LOC400499: variants seen among roughly 807,000 people sequenced by gnomAD.
At chr16:11,474,554 G>A in the LOC400499 span, among the ~76,000 whole-genome samples, 1 of 152,152 alleles carries the variant, frequency 6.6e-6, no homozygotes, top group Non-Finnish European at 1.5e-5. Context: ...ATCATTGACT[G>A]AAGTGGTTGG....
At chr16:11,376,768 T>C in the LOC400499 span, among the ~76,000 whole-genome samples, 1 of 152,180 alleles carries the variant, frequency 6.6e-6, no homozygotes, top group Non-Finnish European at 1.5e-5. Flanking sequence ...GCTAAACCTG[T>C]AGATCACTTT....
At chr16:11,493,343 T>C in the LOC400499 span, among the ~76,000 whole-genome samples, 1 of 152,174 alleles carries the variant, frequency 6.6e-6, no homozygotes, top group African/African-American at 2.4e-5. Flanking sequence ...GATAAAACTT[T>C]ATTGAGAAAA....
the LOC400499 span, among the ~76,000 whole-genome samples, chr16:11,512,880 G>C: frequency 5.9e-5 from 9 of 152,156 alleles, no homozygotes; most frequent in Non-Finnish European, 1.3e-4. Flanking sequence ...TGGGATCCTA[G>C]AAGGCATCCC....
chr16:11,476,937 G>C, the LOC400499 span: 2 of 399,010 alleles, frequency 5.0e-6, no homozygotes, highest in Non-Finnish European at 8.8e-6. Context: ...CTGAGATCTG[G>C]AGCAGGGCAC....
chr16:11,476,339 C>A, the LOC400499 span, among the ~76,000 whole-genome samples: 20 of 152,132 alleles, frequency 1.3e-4, no homozygotes, highest in African/African-American at 4.1e-4. Flanking sequence ...GACAAGCATG[C>A]CCCAGAGGGA....
At chr16:11,411,453 G>A in the LOC400499 span, 4 of 397,204 alleles carry the variant, frequency 1.0e-5, no homozygotes, top group Admixed American at 1.3e-4. Flanking sequence ...CACATCAGTG[G>A]CCCAGTTCAG....
chr16:11,489,359 G>A, the LOC400499 span, among the ~76,000 whole-genome samples: 2 of 152,092 alleles, frequency 1.3e-5, no homozygotes, highest in African/African-American at 4.8e-5. Context: ...TATCTTGCAG[G>A]GCTTTTTGGG....
At chr16:11,387,666 C>T in the LOC400499 span, among the ~76,000 whole-genome samples, 3 of 151,872 alleles carry the variant, frequency 2.0e-5, no homozygotes, top group East Asian at 5.8e-4. Flanking sequence ...CTCATTCTGT[C>T]GCCCAGGCTG....
chr16:11,420,368 C>T, the LOC400499 span, among the ~76,000 whole-genome samples: 1 of 147,712 alleles, frequency 6.8e-6, no homozygotes, highest in Non-Finnish European at 1.5e-5. Flanking sequence ...ACCACATGTT[C>T]TCACTCATAG....
At chr16:11,473,995 T>C in the LOC400499 span, among the ~76,000 whole-genome samples, 1 of 152,114 alleles carries the variant, frequency 6.6e-6, no homozygotes, top group Non-Finnish European at 1.5e-5. Context: ...CTAGGACCAC[T>C]GGTGCACGCC....
chr16:11,517,210 T>C, the LOC400499 span, among the ~76,000 whole-genome samples: 1 of 152,220 alleles, frequency 6.6e-6, no homozygotes, highest in East Asian at 1.9e-4. Context: ...TCCCTTCCTC[T>C]TTCCTAGAAA....
At chr16:11,491,903 A>G in the LOC400499 span, 1 of 398,050 alleles carries the variant, frequency 2.5e-6, no homozygotes, top group Non-Finnish European at 4.4e-6. Flanking sequence ...ACCCAGGAGT[A>G]TGATGTCCCT....
the LOC400499 span, among the ~76,000 whole-genome samples, chr16:11,510,648 C>G: frequency 6.6e-6 from 1 of 151,650 alleles, no homozygotes; most frequent in Non-Finnish European, 1.5e-5. Flanking sequence ...ATGGAGTTGA[C>G]CATGATCACA....
the LOC400499 span, among the ~76,000 whole-genome samples, chr16:11,453,489 A>T: frequency 7.2e-5 from 11 of 152,192 alleles, no homozygotes; most frequent in African/African-American, 2.4e-4. Flanking sequence ...TCTGTAACTT[A>T]TACTCTAAGA....
the LOC400499 span, among the ~76,000 whole-genome samples, chr16:11,406,430 T>C: frequency 1.3e-5 from 2 of 152,206 alleles, no homozygotes. Flanking sequence ...CAGAGATTTC[T>C]TTTTTCTTTT....
chr16:11,413,799 T>C, the LOC400499 span, among the ~76,000 whole-genome samples: 1 of 152,196 alleles, frequency 6.6e-6, no homozygotes, highest in Non-Finnish European at 1.5e-5. Context: ...ACTCACTCGA[T>C]CCTCACAACC....
the LOC400499 span, chr16:11,462,260 C>A: frequency 1.3e-6 from 2 of 1,522,704 alleles, no homozygotes; most frequent in Admixed American, 2.0e-5. Flanking sequence ...CGCCTGGAAC[C>A]GCTCAGCCTC....
chr16:11,445,683 C>T, the LOC400499 span, among the ~76,000 whole-genome samples: 2 of 152,118 alleles, frequency 1.3e-5, no homozygotes, highest in African/African-American at 4.8e-5. Context: ...GCTGAGGGGA[C>T]AGGACTGGGG....
the LOC400499 span, among the ~76,000 whole-genome samples, chr16:11,412,419 G>A: frequency 6.6e-6 from 1 of 152,186 alleles, no homozygotes; most frequent in African/African-American, 2.4e-5. Flanking sequence ...CTCGCCCCTA[G>A]GTGAGAACCA....
Sources: gnomAD v4.1 joint callset for allele counts (sites outside exome capture counted in the v4.1 genomes callset) on GRCh38, gnomAD v4.1.1 for gene constraint, MANE v1.5 for transcripts.